Variants in FBXL17 observed in about 807,000 individuals in gnomAD.
FBXL17 encodes the protein F-box and leucine rich repeat protein 17.
A neutral mutation model predicts 66.2 loss-of-function variants in FBXL17; 22 were observed. The ratio of observed to expected loss-of-function variants is 0.33; its 90% CI spans 0.24 to 0.47. The LOEUF (loss-of-function observed/expected upper bound fraction) is 0.47. Among genes scored for constraint, FBXL17 ranks in the 20% least tolerant of loss-of-function variants. The probability of loss-of-function intolerance (pLI) is 1.00; values close to 1 mark genes in which losing one functional copy is unlikely to be tolerated. For synonymous variants in FBXL17, 474 were observed against 400.5 expected, an observed-to-expected ratio of 1.18 and a Z score of -2.19; for missense variants, 878 against 948.2, an observed-to-expected ratio of 0.93 and a Z score of 0.97.
intron 4 of FBXL17, 45 bp downstream of exon 4, chr5:108,348,354 G>C (rs1346026308): frequency 2.0e-6 from 3 of 1,477,284 alleles, no homozygotes; most frequent in Non-Finnish European, 2.7e-6. Context: ...GAATTCGAAG[G>C]TTAGGAACAA....
intron 4 of FBXL17, among the ~76,000 whole-genome samples, chr5:108,261,777 A>G (rs895431330): frequency 6.7e-6 from 1 of 150,282 alleles, no homozygotes; most frequent in Non-Finnish European, 1.5e-5. Flanking sequence ...AAAGAAAAAA[A>G]CAAAGAGCAC....
intron 7 of FBXL17, among the ~76,000 whole-genome samples, chr5:108,016,444 C>CA (rs200348770): frequency 0.02 from 2,970 of 151,878 alleles, 44 homozygotes; most frequent in Non-Finnish European, 0.029. Flanking sequence ...AAAATGGAAA[C>CA]AAAAAAATAT....
chr5:108,155,555 C>A (rs1367872265), intron 6 of FBXL17, among the ~76,000 whole-genome samples: 1 of 152,014 alleles, frequency 6.6e-6, no homozygotes, highest in Non-Finnish European at 1.5e-5. Flanking sequence ...CTACAATTAA[C>A]CCCCAAGTAG....
chr5:108,348,126 A>G (rs1242599871), intron 4 of FBXL17, among the ~76,000 whole-genome samples: 1 of 152,206 alleles, frequency 6.6e-6, no homozygotes, highest in Non-Finnish European at 1.5e-5. Flanking sequence ...GATTTTTCCA[A>G]TTTACCAGTA....
At chr5:108,337,918 T>C (rs1746614637) in intron 4 of FBXL17, among the ~76,000 whole-genome samples, 1 of 151,992 alleles carries the variant, frequency 6.6e-6, no homozygotes, top group Non-Finnish European at 1.5e-5. Flanking sequence ...CCTTTCACAC[T>C]TTTTTCCATT....
At chr5:108,063,150 T>G (rs1481556101) in intron 6 of FBXL17, among the ~76,000 whole-genome samples, 1 of 152,188 alleles carries the variant, frequency 6.6e-6, no homozygotes, top group African/African-American at 2.4e-5. Context: ...TTTGTCTTGT[T>G]AAAACTTCTG....
intron 4 of FBXL17, among the ~76,000 whole-genome samples, chr5:108,335,005 TG>T (rs1236961251): frequency 1.3e-5 from 2 of 152,228 alleles, no homozygotes; most frequent in African/African-American, 2.4e-5. Flanking sequence ...ACTATTGGTG[TG>T]AGAATAAGGT....
At chr5:107,971,253 A>C (rs938684724) in intron 7 of FBXL17, among the ~76,000 whole-genome samples, 3 of 152,180 alleles carry the variant, frequency 2.0e-5, no homozygotes, top group Admixed American at 2.0e-4. Flanking sequence ...TCTACCAGCT[A>C]TCTCATTCTG....
intron 7 of FBXL17, among the ~76,000 whole-genome samples, chr5:107,995,496 C>T (rs1753435439): frequency 6.6e-6 from 1 of 151,810 alleles, no homozygotes; most frequent in South Asian, 2.1e-4. Flanking sequence ...TCTAGTAGGA[C>T]TTATTTGAGA....
chr5:107,956,089 A>G (rs756101305), intron 7 of FBXL17, among the ~76,000 whole-genome samples: 12 of 152,210 alleles, frequency 7.9e-5, no homozygotes, highest in Admixed American at 1.3e-4. Context: ...CATCAAAAAC[A>G]TAATCATTGT....
chr5:107,964,409 A>G (rs1384504411), intron 7 of FBXL17, among the ~76,000 whole-genome samples: 1 of 131,860 alleles, frequency 7.6e-6, no homozygotes, highest in East Asian at 2.3e-4. Flanking sequence ...ATTACTGATT[A>G]TCTGTTCCTT....
intron 7 of FBXL17, among the ~76,000 whole-genome samples, chr5:107,946,269 A>T (rs1392776159): frequency 1.7e-4 from 7 of 40,186 alleles, no homozygotes; most frequent in Non-Finnish European, 3.4e-4. Context: ...ATATATATAT[A>T]TATATATATA....
At chr5:108,124,363 T>G (rs1474172822) in intron 6 of FBXL17, among the ~76,000 whole-genome samples, 1 of 152,088 alleles carries the variant, frequency 6.6e-6, no homozygotes, top group Non-Finnish European at 1.5e-5. Flanking sequence ...GTCTTTGACC[T>G]TGGCATATTT....
At chr5:108,289,184 T>C (rs140191193) in intron 4 of FBXL17, among the ~76,000 whole-genome samples, 1 of 152,296 alleles carries the variant, frequency 6.6e-6, no homozygotes, top group African/African-American at 2.4e-5. Flanking sequence ...AATTAAATGA[T>C]ATAACACACA....
At position 108,381,197 on chromosome 5, in the gene FBXL17, C is replaced by T; in HGVS notation, c.495G>A (p.Gly165=). The T allele has an allele frequency of 2.1e-6, 3 of 1,442,912 alleles. No individual in the cohort carries two copies. The highest frequency in any genetic ancestry group is 2.5e-5 in the Admixed American group (1 of 39,564). The allele number at this position is 1,442,912 out of a possible 1,614,324, so 89.4% of individuals were successfully genotyped here. The change falls in exon 1 of 9, where the codon GGG becomes GGA. Residue 165 remains glycine, a synonymous_variant. Coordinates refer to ENST00000542267, the MANE Select transcript of FBXL17 (RefSeq NM_001163315.3). ...QGRSLFLASL[G]PVRFLGPPAA... ...CGGGCGGCCCCAGGAAGCGCACCGGCCCCAAGCTGGCCAGGAAGAGACTTC... is the reference window on the plus strand; with the variant it reads ...CGGGCGGCCCCAGGAAGCGCACCGGTCCCAAGCTGGCCAGGAAGAGACTTC...
At chr5:108,369,057 T>C (rs373356712) in intron 1 of FBXL17, among the ~76,000 whole-genome samples, 5 of 152,164 alleles carry the variant, frequency 3.3e-5, no homozygotes, top group East Asian at 1.9e-4. Context: ...TTCACAGATA[T>C]GGGACAAATG....
intron 2 of FBXL17, 39 bp downstream of exon 2, chr5:108,367,792 G>T: frequency 1.3e-6 from 2 of 1,494,972 alleles, no homozygotes; most frequent in Non-Finnish European, 1.8e-6. Context: ...TATTTTTTGA[G>T]TAGGTCATAT....
chr5:108,268,838 A>G (rs1269281302), intron 4 of FBXL17, among the ~76,000 whole-genome samples: 1 of 152,058 alleles, frequency 6.6e-6, no homozygotes, highest in African/African-American at 2.4e-5. Context: ...GCTGGTCCTG[A>G]GAATTAAATT....
Position 108,112,223 on chromosome 5 carries a change from G to C in FBXL17, c.1745+73894C>G, listed in dbSNP as rs546442428. ...TGAGTCTTTGGTTGAATACTGGTCTGGTCACATAAAAAAGAAAACTACTGA... is the reference window on the plus strand; with the variant it reads ...TGAGTCTTTGGTTGAATACTGGTCTCGTCACATAAAAAAGAAAACTACTGA... On this transcript the variant is annotated intron_variant, in intron 6 of 8. Coordinates refer to ENST00000542267, the MANE Select transcript of FBXL17 (RefSeq NM_001163315.3). Among the ~76,000 whole-genome samples the C allele has an allele frequency of 6.2e-3, 850 of 136,362 alleles. 10 individuals carry two copies. The highest frequency in any genetic ancestry group is 0.019 in the African/African-American group (792 of 40,730). 89.5% of individuals were successfully genotyped at this position (136,362 alleles called of 152,430 possible).
Sources: gnomAD v4.1 joint callset for allele counts (sites outside exome capture counted in the v4.1 genomes callset) on GRCh38, gnomAD v4.1.1 for gene constraint, MANE v1.5 for transcripts, NCBI Gene and HGNC (gene_info 2026-07-23, HGNC 2026-07-21) for gene names.